Variants in STXBP5L observed in about 807,000 individuals in gnomAD.
STXBP5L encodes syntaxin binding protein 5L.
A neutral mutation model predicts 144.5 loss-of-function variants in STXBP5L; 65 were observed. The observed-to-expected ratio is 0.45, with a 90% CI of 0.37 to 0.55. The LOEUF (loss-of-function observed/expected upper bound fraction) is 0.55. Among genes scored for constraint, STXBP5L ranks in the 20% least tolerant of loss-of-function variants. The pLI, the probability that STXBP5L is intolerant of heterozygous loss-of-function variation, is 0.00. For synonymous variants in STXBP5L, 505 were observed against 469.6 expected (o/e 1.08, Z -0.97); for missense variants, 1,298 against 1,405.5 (o/e 0.92, Z 1.22).
chr3:121,278,676 A>G (rs1367489977), intron 18 of STXBP5L, among the ~76,000 whole-genome samples: 1 of 151,934 alleles, frequency 6.6e-6, no homozygotes, highest in Non-Finnish European at 1.5e-5. Flanking sequence ...TGATACTCAT[A>G]AAAGCTCTGT....
intron 2 of STXBP5L, among the ~76,000 whole-genome samples, chr3:120,926,937 C>CTTT (rs59336376): frequency 6.0e-5 from 8 of 134,080 alleles, no homozygotes; most frequent in Admixed American, 4.5e-4. Flanking sequence ...TCTTTCCTTT[C>CTTT]TTTTTTTTTT....
At position 120,968,826 on chromosome 3, in the gene STXBP5L, C is replaced by G. The variant is rs77880361; in HGVS notation, c.287+13789C>G. On this transcript the variant is annotated intron_variant, in intron 3 of 26. Transcript: ENST00000471454. ...TTGATTCTTTATTCCTGAGTTACTTCACTTAGAATAATGGCCTCCCGCTCC... is the reference window on the plus strand; with the variant it reads ...TTGATTCTTTATTCCTGAGTTACTTGACTTAGAATAATGGCCTCCCGCTCC... Among the ~76,000 whole-genome samples, 27 of 152,248 alleles carry G rather than the reference C, an allele frequency of 1.8e-4. No individual in the cohort carries two copies. The East Asian group carries it at 3.3e-3, about 18-fold the overall frequency.
At chr3:120,979,393 T>G (rs968329370) in intron 3 of STXBP5L, among the ~76,000 whole-genome samples, 6 of 152,172 alleles carry the variant, frequency 3.9e-5, no homozygotes, top group Non-Finnish European at 8.8e-5. Context: ...TTTTTAAGCC[T>G]GTCGGAAAAG....
intron 18 of STXBP5L, 61 bp downstream of exon 18, chr3:121,259,229 T>C (rs1435042348): frequency 1.5e-6 from 2 of 1,318,542 alleles, no homozygotes; most frequent in Non-Finnish European, 2.0e-6. Context: ...ATTTTTTAGA[T>C]GTTCCTTGCT....
At chr3:120,941,150 T>C (rs1444805313) in intron 2 of STXBP5L, among the ~76,000 whole-genome samples, 1 of 151,754 alleles carries the variant, frequency 6.6e-6, no homozygotes, top group East Asian at 1.9e-4. Flanking sequence ...ACAGAATAAG[T>C]TACTCATATA....
chr3:121,097,486 A>T (rs1235258180), intron 5 of STXBP5L, among the ~76,000 whole-genome samples: 1 of 152,230 alleles, frequency 6.6e-6, no homozygotes, highest in African/African-American at 2.4e-5. Context: ...TGCAAAGACC[A>T]TGGGACAAAT....
In STXBP5L at chr3:121,307,540, C is replaced by T. The variant is rs74893743; in HGVS notation, c.2111-10935C>T. Among the ~76,000 whole-genome samples the T allele has an allele frequency of 9.1e-3, 1,382 of 152,078 alleles. 30 individuals are homozygous for T. The highest frequency in any genetic ancestry group is 0.031 in the African/African-American group (1,268 of 41,474). ...GGTACAGTAAGTGAAAAGAAAAATTCAGTAGTGGGACTCAACAGTAGATTT... is the reference window on the plus strand; with the variant it reads ...GGTACAGTAAGTGAAAAGAAAAATTTAGTAGTGGGACTCAACAGTAGATTT... On this transcript the variant is annotated intron_variant, in intron 19 of 26. Coordinates refer to ENST00000471454, the MANE Select transcript of STXBP5L (RefSeq NM_001308330.2).
chr3:120,952,187 G>A (rs1171822547), intron 2 of STXBP5L, among the ~76,000 whole-genome samples: 2 of 151,734 alleles, frequency 1.3e-5, no homozygotes, highest in East Asian at 3.9e-4. Flanking sequence ...GATAGCATTG[G>A]GAGATATAAC....
chr3:120,981,065 G>T (rs991054857), intron 3 of STXBP5L, among the ~76,000 whole-genome samples: 3 of 152,080 alleles, frequency 2.0e-5, no homozygotes, highest in African/African-American at 7.2e-5. Flanking sequence ...TTTCTGCTGA[G>T]AAGTCCACTG....
At chr3:121,396,516 TGC>T (rs2046733625) in intron 22 of STXBP5L, among the ~76,000 whole-genome samples, 1 of 152,224 alleles carries the variant, frequency 6.6e-6, no homozygotes, top group African/African-American at 2.4e-5. Flanking sequence ...CACATACATG[TGC>T]ATATGCTAGT....
intron 10 of STXBP5L, among the ~76,000 whole-genome samples, chr3:121,217,227 T>C (rs575942206): frequency 2.0e-5 from 3 of 152,186 alleles, no homozygotes; most frequent in Admixed American, 2.0e-4. Flanking sequence ...GCCAGCGAGG[T>C]ATGAAAAGAA....
intron 20 of STXBP5L, among the ~76,000 whole-genome samples, chr3:121,332,476 G>T (rs1399011577): frequency 6.8e-6 from 1 of 147,250 alleles, no homozygotes; most frequent in East Asian, 2.0e-4. Flanking sequence ...AAATGCAGCA[G>T]AAACTTTTAA....
In STXBP5L at chr3:121,012,641, G is replaced by T. The variant is rs184019424; in HGVS notation, c.288-29059G>T. On this transcript the variant is annotated intron_variant, in intron 3 of 26. Transcript: ENST00000471454. ...TGTATATTTCCTTTAGAGAAATGTC[G>T]ATTTAAATATTTTGCTCAGTTTTAT... Among the ~76,000 whole-genome samples the T allele has an allele frequency of 2.0e-5, 3 of 151,448 alleles. No homozygotes were observed. In the East Asian group the frequency reaches 5.8e-4, roughly 29 times the overall value.
At chr3:121,403,197 A>T (rs1278922711) in intron 22 of STXBP5L, among the ~76,000 whole-genome samples, 1 of 152,110 alleles carries the variant, frequency 6.6e-6, no homozygotes, top group Non-Finnish European at 1.5e-5. Context: ...TACTAAACTA[A>T]GCTTCTAACT....
At position 120,996,997 on chromosome 3, in the gene STXBP5L, C is replaced by G. The variant is rs188854193; in HGVS notation, c.287+41960C>G. On this transcript the variant is annotated intron_variant, in intron 3 of 26. Transcript: ENST00000471454. ...GGCACTGGTGTTTCATCATTTTTAT[C>G]CATGTGTACTCAATGTTCAGCTCCC... is the stretch of plus-strand genomic sequence containing the variant. Among the ~76,000 whole-genome samples, 629 of 152,204 alleles carry G rather than the reference C, an allele frequency of 4.1e-3. 1 individual carries two copies. Among genetic ancestry groups the G allele is most frequent in the African/African-American group, 0.014 (581 of 41,536 alleles).
intron 9 of STXBP5L, among the ~76,000 whole-genome samples, chr3:121,179,401 A>C (rs953747013): frequency 2.9e-4 from 44 of 152,324 alleles, no homozygotes; most frequent in Admixed American, 1.9e-3. Flanking sequence ...GAGGGAAAAA[A>C]AGTAATTCTA....
At position 121,045,443 on chromosome 3, in the gene STXBP5L, G is replaced by C; in HGVS notation, c.378G>C (p.Leu126Phe). The C allele has an allele frequency of 1.2e-6, 2 of 1,609,318 alleles. No homozygotes were observed. Among genetic ancestry groups the C allele is most frequent in the Non-Finnish European group, 1.7e-6 (2 of 1,177,946 alleles). Residue 126 changes from leucine to phenylalanine, a missense_variant, in exon 5 of 27, where the codon TTG becomes TTC. Coordinates refer to ENST00000471454, the MANE Select transcript of STXBP5L (RefSeq NM_001308330.2). ...QLQFLINEGALVSASSDDTLH... is the reference protein window; with the variant it reads ...QLQFLINEGAFVSASSDDTLH... ...TCTTCTTTTTGTTCTAGGGTGCCTT[G>C]GTCAGTGCAAGTTCAGATGATACAC...
intron 5 of STXBP5L, among the ~76,000 whole-genome samples, chr3:121,051,746 C>T (rs962189128): frequency 6.6e-6 from 1 of 151,966 alleles, no homozygotes; most frequent in East Asian, 1.9e-4. Context: ...CAGAGCAGAA[C>T]TGAAGGAAAT....
At chr3:120,984,706 G>T (rs1942133583) in intron 3 of STXBP5L, among the ~76,000 whole-genome samples, 1 of 140,268 alleles carries the variant, frequency 7.1e-6, no homozygotes, top group African/African-American at 2.7e-5. Flanking sequence ...GAATAGAAGT[G>T]GTGAAAGTAG....
Sources: gnomAD v4.1 joint callset for allele counts (sites outside exome capture counted in the v4.1 genomes callset) on GRCh38, gnomAD v4.1.1 for gene constraint, MANE v1.5 for transcripts, NCBI Gene and HGNC (gene_info 2026-07-23, HGNC 2026-07-21) for gene names.